Variants in STEAP1B observed in about 807,000 individuals in gnomAD.
STEAP1B encodes the protein STEAP family protein MGC87042.
A neutral mutation model predicts 27.9 loss-of-function variants in STEAP1B; 13 were observed. That is an observed-to-expected ratio of 0.47 (90% CI 0.30 to 0.74). The LOEUF is 0.74. Among genes scored for constraint, STEAP1B ranks in the 30% least tolerant of loss-of-function variants. The pLI is 0.06. For missense variants in STEAP1B, 250 were observed against 298.7 expected (o/e 0.84, Z 1.20); for synonymous variants, 86 against 107.1 (o/e 0.80, Z 1.22).
chr7:22,419,836 C>A lies in STEAP1B; in HGVS notation c.763G>T (p.Val255Leu). The change falls in exon 5 of 5, where the codon GTA becomes TTA. Residue 255 changes from valine to leucine, a missense_variant and splice_region_variant. Physicochemically the swap from Val to Leu is conservative, Grantham distance 32. Transcript: ENST00000678116. ...LTWREFHYIQ[V>L]HGRINFLTL ...GTCAGGAAGTTGATCCTACCATGTA[C>A]CTGGAAGGCAGACAGCAAGAAAGAG... The A allele has an allele frequency of 1.3e-6, 2 of 1,549,512 alleles. No individual in the cohort carries two copies. Among genetic ancestry groups the A allele is most frequent in the Non-Finnish European group, 1.7e-6 (2 of 1,145,762 alleles).
At chr7:22,498,312 G>A (rs6961112) in intron 1 of STEAP1B, among the ~76,000 whole-genome samples, 42,834 of 151,866 alleles carry the variant, frequency 0.28, 6,107 homozygotes, top group Middle Eastern at 0.41. Context: ...CCCAGCTCCC[G>A]CACTGGGGGT....
At chr7:22,461,586 T>C (rs1238397443) in intron 4 of STEAP1B, among the ~76,000 whole-genome samples, 1 of 152,198 alleles carries the variant, frequency 6.6e-6, no homozygotes, top group Non-Finnish European at 1.5e-5. Context: ...CTCTGGGCAA[T>C]TCTGCTCCAG....
At chr7:22,426,477 C>G (rs557484679) in intron 4 of STEAP1B, among the ~76,000 whole-genome samples, 1 of 152,150 alleles carries the variant, frequency 6.6e-6, no homozygotes, top group African/African-American at 2.4e-5. Context: ...GGTAGAAAAT[C>G]AAAAGGCAGA....
Position 22,482,379 on chromosome 7 carries a change from T to A in STEAP1B, c.762+10186A>T, listed in dbSNP as rs187778983. Among the ~76,000 whole-genome samples, 630 of 152,338 alleles carry A rather than the reference T, an allele frequency of 4.1e-3. 8 individuals carry two copies. The highest frequency in any genetic ancestry group is 0.014 in the African/African-American group (590 of 41,574). ...TTCTTAGCACAAGTATGGCCTAAGT[T>A]GTTTATGGGTCATATTTATACAAAA... On this transcript the variant is annotated intron_variant, in intron 4 of 4. Transcript: ENST00000678116.
At chr7:22,470,063 A>G (rs989282128) in intron 4 of STEAP1B, among the ~76,000 whole-genome samples, 1 of 152,214 alleles carries the variant, frequency 6.6e-6, no homozygotes, top group African/African-American at 2.4e-5. Flanking sequence ...CCTAGACACA[A>G]TTGCACTCCA....
intron 4 of STEAP1B, among the ~76,000 whole-genome samples, chr7:22,446,497 G>A (rs960670188): frequency 6.6e-6 from 1 of 152,182 alleles, no homozygotes; most frequent in African/African-American, 2.4e-5. Flanking sequence ...CAAACCTCCA[G>A]GTGGTTCTGA....
chr7:22,423,635 G>C (rs1785071333), intron 4 of STEAP1B, among the ~76,000 whole-genome samples: 1 of 152,216 alleles, frequency 6.6e-6, no homozygotes, highest in African/African-American at 2.4e-5. Flanking sequence ...ACTCAATTGA[G>C]CATGAGGTTT....
Position 22,493,719 on chromosome 7 carries a change from A to G in STEAP1B, c.202T>C (p.Phe68Leu), listed in dbSNP as rs144007277. 5.0e-5 allele frequency: 80 copies of G among 1,613,872 alleles called. No individual in the cohort carries two copies. Among genetic ancestry groups the G allele is most frequent in the Non-Finnish European group, 6.4e-5 (76 of 1,179,868 alleles). ...TTAATTGGCAAGTGCCACTGTGGAA[A>G]GAGTTCCTGTGCGTGCTGAAGTTCT... is the stretch of plus-strand genomic sequence containing the variant. Reference protein sequence around the residue: ...PSELQHAQELFPQWHLPIKIA... With the variant: ...PSELQHAQELLPQWHLPIKIA... Residue 68 changes from phenylalanine to leucine, a missense_variant, in exon 3 of 5, where the codon TTT (phenylalanine) becomes CTT (leucine). Phe to Leu is a conservative substitution (Grantham distance 22). Transcript: ENST00000678116.
chr7:22,428,075 C>T (rs558967441), intron 4 of STEAP1B, among the ~76,000 whole-genome samples: 4 of 152,276 alleles, frequency 2.6e-5, no homozygotes, highest in East Asian at 3.9e-4. Context: ...AGAACTGGGT[C>T]TTTAAACTCA....
chr7:22,434,361 A>G (rs1785227825), intron 4 of STEAP1B, among the ~76,000 whole-genome samples: 1 of 152,144 alleles, frequency 6.6e-6, no homozygotes, highest in South Asian at 2.1e-4. Flanking sequence ...TCGCCCCCAG[A>G]GTCATGACTC....
chr7:22,443,052 C>T (rs889534981), intron 4 of STEAP1B, among the ~76,000 whole-genome samples: 9 of 152,320 alleles, frequency 5.9e-5, no homozygotes, highest in East Asian at 3.9e-4. Context: ...CCCTCCCACT[C>T]GCTCCTGCCT....
At chr7:22,465,090 C>T (rs957547151) in intron 4 of STEAP1B, among the ~76,000 whole-genome samples, 1 of 151,260 alleles carries the variant, frequency 6.6e-6, no homozygotes, top group African/African-American at 2.4e-5. Flanking sequence ...TACCTGAACA[C>T]AAGCACTGTG....
chr7:22,443,393 C>T (rs1198188759), intron 4 of STEAP1B, among the ~76,000 whole-genome samples: 3 of 152,132 alleles, frequency 2.0e-5, no homozygotes, highest in Non-Finnish European at 2.9e-5. Context: ...CCATTGTATG[C>T]CAGGAACTGT....
intron 4 of STEAP1B, among the ~76,000 whole-genome samples, chr7:22,466,600 T>G (rs1785788126): frequency 6.6e-6 from 1 of 152,188 alleles, no homozygotes; most frequent in African/African-American, 2.4e-5. Flanking sequence ...AGTAAATTTC[T>G]GTTAAGCCAC....
At chr7:22,449,392 C>T (rs976036636) in intron 4 of STEAP1B, among the ~76,000 whole-genome samples, 5 of 152,176 alleles carry the variant, frequency 3.3e-5, no homozygotes, top group African/African-American at 1.2e-4. Context: ...TGAGAACATG[C>T]AATGTTTATC....
chr7:22,488,725 G>C (rs1459441887), intron 4 of STEAP1B, among the ~76,000 whole-genome samples: 1 of 152,158 alleles, frequency 6.6e-6, no homozygotes, highest in Admixed American at 6.5e-5. Context: ...CTGCTGACTG[G>C]CACCCAGCAG....
intron 4 of STEAP1B, among the ~76,000 whole-genome samples, chr7:22,483,002 C>G (rs1786111879): frequency 6.6e-6 from 1 of 152,212 alleles, no homozygotes; most frequent in East Asian, 1.9e-4. Flanking sequence ...GTGCCGCCAG[C>G]ACATCATCCC....
At chr7:22,445,034 G>C (rs115533895) in intron 4 of STEAP1B, among the ~76,000 whole-genome samples, 2,874 of 152,120 alleles carry the variant, frequency 0.019, 110 homozygotes, top group African/African-American at 0.066. Context: ...GAGAGGATGA[G>C]AAAGAGAAAG....
At chr7:22,449,865 G>A (rs926762685) in intron 4 of STEAP1B, among the ~76,000 whole-genome samples, 2 of 152,206 alleles carry the variant, frequency 1.3e-5, no homozygotes, top group East Asian at 3.8e-4. Flanking sequence ...ACATCTCATT[G>A]TAGTTTCGAT....
Sources: gnomAD v4.1 joint callset for allele counts (sites outside exome capture counted in the v4.1 genomes callset) on GRCh38, gnomAD v4.1.1 for gene constraint, MANE v1.5 for transcripts, NCBI Gene and HGNC (gene_info 2026-07-23, HGNC 2026-07-21) for gene names.